Variants in SERPINA11 observed in about 807,000 individuals in gnomAD.
SERPINA11 encodes serpin A11.
In SERPINA11, 28 loss-of-function variants were observed where a neutral mutation model predicts 29.4. The observed-to-expected ratio is 0.95, with a 90% CI of 0.70 to 1.30. The LOEUF is 1.30. Ranked by LOEUF, SERPINA11 falls within the 50% of genes most tolerant of loss-of-function variation. The pLI, the probability that SERPINA11 is intolerant of heterozygous loss-of-function variation, is 0.00. For missense variants in SERPINA11, 530 were observed against 507.3 expected (o/e 1.04, Z -0.43); for synonymous variants, 253 against 206.6 (o/e 1.22, Z -1.92).
rs1446406043 is a variant in SERPINA11, at chr14:94,449,457, C to CT, written c.-3-681dup. Among the ~76,000 whole-genome samples the CT allele has an allele frequency of 8.5e-3, 985 of 116,468 alleles. 62 individuals carry two copies. Among genetic ancestry groups the CT allele is most frequent in the African/African-American group, 0.043 (937 of 21,768 alleles). 76.4% of individuals were successfully genotyped at this position (116,468 alleles called of 152,430 possible). A position where few individuals can be genotyped will look rare whatever the true frequency, so the allele number is the denominator to read the frequency against. Reference sequence around the variant, plus strand: ...TCTTTCTTTCTTTCTTTCTTTCTTTCTTTCTTTCTTTCTTTCTTTCTTTCT... The same window carrying CT: ...TCTTTCTTTCTTTCTTTCTTTCTTTCTTTTCTTTCTTTCTTTCTTTCTTTCT... On this transcript the variant is annotated intron_variant, in intron 1 of 4. Transcript: ENST00000334708.
At chr14:94,443,995 T>G (rs1486224632) in intron 3 of SERPINA11, among the ~76,000 whole-genome samples, 1 of 152,240 alleles carries the variant, frequency 6.6e-6, no homozygotes, top group Non-Finnish European at 1.5e-5. Context: ...ATAACCAACT[T>G]GAACACTTCT....
intron 3 of SERPINA11, among the ~76,000 whole-genome samples, chr14:94,445,509 T>C (rs766235888): frequency 3.3e-5 from 5 of 152,212 alleles, no homozygotes; most frequent in African/African-American, 4.8e-5. Context: ...ATGTTCTTAA[T>C]ATTTAATTTT....
At chr14:94,445,954 G>A (rs1206146673) in intron 3 of SERPINA11, among the ~76,000 whole-genome samples, 1 of 152,044 alleles carries the variant, frequency 6.6e-6, no homozygotes, top group Non-Finnish European at 1.5e-5. Flanking sequence ...TTAGTGAATT[G>A]TTATGGGAGG....
intron 2 of SERPINA11, among the ~76,000 whole-genome samples, chr14:94,447,855 C>T (rs1898475724): frequency 6.6e-6 from 1 of 152,250 alleles, no homozygotes; most frequent in Non-Finnish European, 1.5e-5. Flanking sequence ...GCTTGGGTGG[C>T]TGTTTTACCA....
At position 94,442,529 on chromosome 14, in the gene SERPINA11, C is replaced by T; in HGVS notation, c.*77G>A. On this transcript the variant is annotated 3_prime_UTR_variant, in exon 5 of 5. Coordinates refer to ENST00000334708, the MANE Select transcript of SERPINA11 (RefSeq NM_001080451.2). ...ACTGATTAACTGAACCACATAGCAGCCCCAGGATGCAGGCTGGTTCTGGCC... is the reference window on the plus strand; with the variant it reads ...ACTGATTAACTGAACCACATAGCAGTCCCAGGATGCAGGCTGGTTCTGGCC... The T allele has an allele frequency of 9.6e-7, 1 of 1,038,648 alleles. No homozygotes were observed. Among genetic ancestry groups the T allele is most frequent in the Non-Finnish European group, 1.4e-6 (1 of 706,110 alleles). The allele number at this position is 1,038,648 out of a possible 1,614,324, so 64.3% of individuals were successfully genotyped here. A position where few individuals can be genotyped will look rare whatever the true frequency, so the allele number is the denominator to read the frequency against.
At chr14:94,444,170 G>A (rs927582523) in intron 3 of SERPINA11, among the ~76,000 whole-genome samples, 15 of 152,270 alleles carry the variant, frequency 9.9e-5, no homozygotes, top group African/African-American at 2.9e-4. Flanking sequence ...AGTTGGCTGG[G>A]GGGTGGAATA....
chr14:94,449,405 T>TTTTTC (rs766382606), intron 1 of SERPINA11, among the ~76,000 whole-genome samples: 1 of 55,170 alleles, frequency 1.8e-5, no homozygotes, highest in African/African-American at 5.3e-5. Context: ...TCTTTCTTTC[T>TTTTTC]ATTCTTTCTT....
In SERPINA11 at chr14:94,449,531, C is replaced by CTT. The variant is rs1382738500; in HGVS notation, c.-3-756_-3-755dup. Among the ~76,000 whole-genome samples the CTT allele has an allele frequency of 1.2e-4, 11 of 92,216 alleles. 1 individual carries two copies. In the South Asian group the frequency reaches 3.5e-3, roughly 29 times the overall value. The allele number at this position is 92,216 out of a possible 152,430, so 60.5% of individuals were successfully genotyped here. ...TCTTTTTCTTTCTTTCTTTCTTTTT[C>CTT]TTTCTTTCTTTCTCTTTCTCTTTCT... On this transcript the variant is annotated intron_variant, in intron 1 of 4. Transcript: ENST00000334708.
chr14:94,451,525 T>C (rs1408600964), intron 1 of SERPINA11, among the ~76,000 whole-genome samples: 1 of 152,180 alleles, frequency 6.6e-6, no homozygotes, highest in Non-Finnish European at 1.5e-5. Context: ...CTATTTCTGG[T>C]TTATTCTTTT....
intron 1 of SERPINA11, among the ~76,000 whole-genome samples, chr14:94,449,499 T>C (rs55664577): frequency 0.65 from 66,296 of 102,046 alleles, 21,311 homozygotes; most frequent in Non-Finnish European, 0.68. Flanking sequence ...CTGTCTTTCT[T>C]TCTCTTTCTT....
intron 2 of SERPINA11, 59 bp downstream of exon 2, chr14:94,448,073 G>T: frequency 6.6e-7 from 1 of 1,522,812 alleles, no homozygotes; most frequent in Non-Finnish European, 9.0e-7. Flanking sequence ...CTGGCTCTCT[G>T]CTGTAAGAGC....
Position 94,448,336 on chromosome 14 carries a change from G to C in SERPINA11, c.439C>G (p.Leu147Val). The C allele has an allele frequency of 6.2e-7, 1 of 1,614,242 alleles. No individual in the cohort carries two copies. Among genetic ancestry groups the C allele is most frequent in the Non-Finnish European group, 8.5e-7 (1 of 1,180,040 alleles). ...VGNSLFLDKR[L>V]KPRQHYLDSI... ...TCCAAATAGTGCTGCCGAGGCTTTA[G>C]TCGCTTGTCTAGGAACAGGGAGTTT... The change falls in exon 2 of 5, where the codon CTA becomes GTA. Residue 147 changes from leucine (L) to valine (V), a missense_variant. Physicochemically the swap from Leu to Val is conservative, Grantham distance 32. Coordinates refer to ENST00000334708, the MANE Select transcript of SERPINA11 (RefSeq NM_001080451.2).
At position 94,442,810 on chromosome 14, in the gene SERPINA11, C is replaced by T. The variant is rs1595651859; in HGVS notation, c.1066-1G>A. The T allele has an allele frequency of 2.5e-6, 4 of 1,600,020 alleles. No individual in the cohort carries two copies. The highest frequency in any genetic ancestry group is 3.4e-6 in the Non-Finnish European group (4 of 1,173,424). On this transcript the variant is annotated splice_acceptor_variant, in intron 4 of 4. Coordinates refer to ENST00000334708, the MANE Select transcript of SERPINA11 (RefSeq NM_001080451.2). LOFTEE classifies it high-confidence loss of function. Reference sequence around the variant, plus strand: ...TGTCCACCATCGCCTTGTGTGACACCTAGAGGACAAGAGGAGATGAAGACA... The same window carrying T: ...TGTCCACCATCGCCTTGTGTGACACTTAGAGGACAAGAGGAGATGAAGACA...
chr14:94,449,883 T>C (rs960466003), intron 1 of SERPINA11, among the ~76,000 whole-genome samples: 1 of 152,212 alleles, frequency 6.6e-6, no homozygotes. Flanking sequence ...GGCTATTGAC[T>C]ATGATCCTGC....
At chr14:94,447,836 C>T (rs780994894) in intron 2 of SERPINA11, among the ~76,000 whole-genome samples, 2 of 152,216 alleles carry the variant, frequency 1.3e-5, no homozygotes, top group Non-Finnish European at 2.9e-5. Flanking sequence ...TACTCACTCT[C>T]ATGTCTTAGC....
intron 1 of SERPINA11, among the ~76,000 whole-genome samples, chr14:94,450,380 A>G (rs1466494285): frequency 1.3e-5 from 2 of 152,214 alleles, no homozygotes; most frequent in African/African-American, 4.8e-5. Context: ...AAGAAGGAGC[A>G]ATTTGGACAC....
intron 1 of SERPINA11, among the ~76,000 whole-genome samples, chr14:94,449,485 C>CTCTTTCTTTCTT (rs1898542125): frequency 1.3e-5 from 1 of 77,270 alleles, no homozygotes; most frequent in African/African-American, 1.1e-4. Flanking sequence ...TTCTTTCTGT[C>CTCTTTCTTTCTT]TGTCTGTCTT....
Position 94,448,488 on chromosome 14 carries a change from G to A in SERPINA11, c.287C>T (p.Ser96Leu). Residue 96 changes from serine to leucine, a missense_variant, in exon 2 of 5, where the codon TCA (serine) becomes TTA (leucine). Coordinates refer to ENST00000334708, the MANE Select transcript of SERPINA11 (RefSeq NM_001080451.2). ...TCCCAGGCCCTCCAGGATCAGAGCT[G>A]AGGTGTTAGCTTGGGCCCCAAGAGA... ...LLSLGAQANT[S>L]ALILEGLGFN... 2 of 1,614,206 alleles carry A rather than the reference G, an allele frequency of 1.2e-6. No individual in the cohort carries two copies. Among genetic ancestry groups the A allele is most frequent in the South Asian group, 1.1e-5 (1 of 91,078 alleles).
At chr14:94,452,181 C>G (rs926159930) in intron 1 of SERPINA11, among the ~76,000 whole-genome samples, 2 of 152,110 alleles carry the variant, frequency 1.3e-5, no homozygotes, top group Non-Finnish European at 2.9e-5. Context: ...ACCGGTAGTG[C>G]CCTTGTTGAG....
Sources: allele counts gnomAD v4.1 joint callset (sites outside exome capture counted in the v4.1 genomes callset), GRCh38; gene constraint gnomAD v4.1.1; transcripts MANE v1.5; gene names NCBI Gene and HGNC (gene_info 2026-07-23, HGNC 2026-07-21).